The following AJAP1 variants were observed in gnomAD, a reference collection of about 807,000 sequenced individuals.
The protein encoded by AJAP1 is adherens junctions associated protein 1, also known as adherens junction-associated protein 1.
In AJAP1, 5 loss-of-function variants were observed where a neutral mutation model predicts 35.0. The observed-to-expected ratio is 0.14, with a 90% CI of 0.07 to 0.30. AJAP1 has a LOEUF of 0.30. Among genes scored for constraint, AJAP1 ranks in the 10% least tolerant of loss-of-function variants. The pLI, the probability that AJAP1 is intolerant of heterozygous loss-of-function variation, is 1.00. For missense variants in AJAP1, 586 were observed against 571.0 expected, an observed-to-expected ratio of 1.03 and a Z score of -0.27; for synonymous variants, 284 against 249.3, an observed-to-expected ratio of 1.14 and a Z score of -1.31.
At chr1:4,763,498 C>A (rs1434655380) in intron 2 of AJAP1, among the ~76,000 whole-genome samples, 1 of 152,140 alleles carries the variant, frequency 6.6e-6, no homozygotes, top group Non-Finnish European at 1.5e-5. Context: ...ATTTTATGCA[C>A]CAACTTGACT....
At chr1:4,666,908 G>T (rs1452084054) in intron 1 of AJAP1, among the ~76,000 whole-genome samples, 1 of 149,788 alleles carries the variant, frequency 6.7e-6, no homozygotes, top group Admixed American at 6.6e-5. Context: ...TTATGGAGAG[G>T]GACCCGTGAA....
intron 1 of AJAP1, among the ~76,000 whole-genome samples, chr1:4,701,310 G>A (rs1428577655): frequency 6.6e-6 from 1 of 152,172 alleles, no homozygotes. Context: ...TGTACAGGTG[G>A]GAAAACTGAA....
At chr1:4,659,647 G>A (rs888216825) in intron 1 of AJAP1, among the ~76,000 whole-genome samples, 3 of 152,164 alleles carry the variant, frequency 2.0e-5, no homozygotes, top group Admixed American at 6.5e-5. Flanking sequence ...GGCACCAGGA[G>A]GAGAGAGGAG....
rs1570237453 is a variant in AJAP1 at position 4,782,229 on chromosome 1, G to A, written c.*60-316G>A. Among the ~76,000 whole-genome samples the A allele has an allele frequency of 6.6e-6, 1 of 152,278 alleles. No individual in the cohort carries two copies. Among genetic ancestry groups the A allele is most frequent in the South Asian group, 2.1e-4 (1 of 4,816 alleles). On this transcript the variant is annotated intron_variant, in intron 5 of 5. Coordinates refer to ENST00000378191, the MANE Select transcript of AJAP1 (RefSeq NM_018836.4). The surrounding 1 kb of genome is among the most constrained non-coding windows in gnomAD (Gnocchi z 5.3). Reference sequence around the variant, plus strand: ...GGATGCCCCGGCACCCCCACCATGAGTTAGCGGAGGGGGTGGTCCCAGCCC... The same window carrying A: ...GGATGCCCCGGCACCCCCACCATGAATTAGCGGAGGGGGTGGTCCCAGCCC...
intron 2 of AJAP1, among the ~76,000 whole-genome samples, chr1:4,741,114 G>T (rs1641059447): frequency 6.6e-6 from 1 of 152,074 alleles, no homozygotes; most frequent in African/African-American, 2.4e-5. Context: ...CTCACGCAGG[G>T]GTTGGGTGGA....
intron 1 of AJAP1, among the ~76,000 whole-genome samples, chr1:4,698,116 C>T (rs781040697): frequency 1.3e-5 from 2 of 152,184 alleles, no homozygotes; most frequent in Non-Finnish European, 2.9e-5. Flanking sequence ...GAGACAGAAC[C>T]ACGGCCTCCG....
rs1219405748 is a variant in AJAP1 at position 4,728,461 on chromosome 1, GT to G, written c.829+15765del. Among the ~76,000 whole-genome samples, 5 of 152,294 alleles carry G rather than the reference GT, an allele frequency of 3.3e-5. No individual in the cohort carries two copies. The East Asian group carries it at 9.7e-4, about 29-fold the overall frequency. Reference sequence around the variant, plus strand: ...CCTGCGTGTTCCCACCCAGCCCCGGGTTTGGGGTTTGGCATCTGAGTGACAC... The same window carrying G: ...CCTGCGTGTTCCCACCCAGCCCCGGGTTGGGGTTTGGCATCTGAGTGACAC... On this transcript the variant is annotated intron_variant, in intron 2 of 5. Transcript: ENST00000378191.
At chr1:4,710,293 C>T (rs1323550383) in intron 1 of AJAP1, among the ~76,000 whole-genome samples, 2 of 152,120 alleles carry the variant, frequency 1.3e-5, no homozygotes, top group African/African-American at 4.8e-5. Context: ...CTCTCACACA[C>T]GCACCAAATA....
At chr1:4,672,248 A>G (rs1639266769) in intron 1 of AJAP1, among the ~76,000 whole-genome samples, 1 of 152,152 alleles carries the variant, frequency 6.6e-6, no homozygotes, top group Non-Finnish European at 1.5e-5. Context: ...TTGGACCCCA[A>G]ATCACTGCAC....
intron 1 of AJAP1, among the ~76,000 whole-genome samples, chr1:4,663,054 AG>A (rs1033787149): frequency 2.6e-5 from 4 of 152,090 alleles, no homozygotes; most frequent in Non-Finnish European, 4.4e-5. Flanking sequence ...CCCCCTTCCC[AG>A]GGGGGCAGTG....
At chr1:4,733,120 A>C (rs1015568154) in intron 2 of AJAP1, among the ~76,000 whole-genome samples, 3 of 152,130 alleles carry the variant, frequency 2.0e-5, no homozygotes, top group Non-Finnish European at 4.4e-5. Flanking sequence ...CGCCTCCAAC[A>C]AAGTGGGCAG....
chr1:4,750,631 A>T (rs1338827882), intron 2 of AJAP1, among the ~76,000 whole-genome samples: 1 of 151,324 alleles, frequency 6.6e-6, no homozygotes, highest in Non-Finnish European at 1.5e-5. Context: ...TGGGTTCCCT[A>T]GGAGCAGGGC....
At chr1:4,716,917 A>G (rs1004828829) in intron 2 of AJAP1, among the ~76,000 whole-genome samples, 2 of 151,966 alleles carry the variant, frequency 1.3e-5, no homozygotes, top group African/African-American at 4.8e-5. Flanking sequence ...TGTAGATGGC[A>G]CTAGCCAAGA....
At chr1:4,674,558 C>T (rs746758310) in intron 1 of AJAP1, among the ~76,000 whole-genome samples, 2 of 152,204 alleles carry the variant, frequency 1.3e-5, no homozygotes, top group African/African-American at 4.8e-5. Flanking sequence ...AGCAGAAATA[C>T]GGAGGGGGCT....
At chr1:4,773,123 T>C (rs771679320) in intron 4 of AJAP1, among the ~76,000 whole-genome samples, 17 of 152,270 alleles carry the variant, frequency 1.1e-4, no homozygotes, top group Non-Finnish European at 2.2e-4. Context: ...AGAATTAAAT[T>C]AAAGTATCAA....
intron 2 of AJAP1, among the ~76,000 whole-genome samples, chr1:4,761,376 T>C (rs1641561084): frequency 6.6e-6 from 1 of 152,182 alleles, no homozygotes; most frequent in African/African-American, 2.4e-5. Flanking sequence ...TGTTCTCTAG[T>C]TCAGAGCAAT....
chr1:4,753,218 T>C (rs997688042), intron 2 of AJAP1, among the ~76,000 whole-genome samples: 2 of 152,186 alleles, frequency 1.3e-5, no homozygotes, highest in African/African-American at 4.8e-5. Context: ...CAGCAGTGTA[T>C]GGAGAGAGAG....
At chr1:4,691,834 C>T (rs2100227633) in intron 1 of AJAP1, among the ~76,000 whole-genome samples, 1 of 152,202 alleles carries the variant, frequency 6.6e-6, no homozygotes, top group South Asian at 2.1e-4. Context: ...ACCTGCAGAC[C>T]CAGGACCGCC....
At chr1:4,705,558 A>C (rs1238376979) in intron 1 of AJAP1, among the ~76,000 whole-genome samples, 3 of 151,648 alleles carry the variant, frequency 2.0e-5, no homozygotes, top group African/African-American at 7.3e-5. Flanking sequence ...ATGCTATTCA[A>C]GGTCAGCTTC....
Sources: allele counts gnomAD v4.1 joint callset (sites outside exome capture counted in the v4.1 genomes callset), GRCh38; gene constraint gnomAD v4.1.1; non-coding constraint Gnocchi (gnomAD v3.1); transcripts MANE v1.5; gene names NCBI Gene and HGNC (gene_info 2026-07-23, HGNC 2026-07-21).